Variants in KCNQ3 observed in about 807,000 individuals in gnomAD.
KCNQ3 encodes potassium voltage-gated channel subfamily Q member 3, also known as potassium voltage-gated channel subfamily KQT member 3.
KCNQ3 carries 30 observed loss-of-function variants against 92.5 expected under a neutral mutation model. The ratio of observed to expected loss-of-function variants is 0.32; its 90% confidence interval spans 0.24 to 0.44. The LOEUF (loss-of-function observed/expected upper bound fraction) is 0.44. Among genes scored for constraint, KCNQ3 ranks in the 20% least tolerant of loss-of-function variants. The probability of loss-of-function intolerance (pLI) is 1.00; values close to 1 mark genes in which losing one functional copy is unlikely to be tolerated. For synonymous variants in KCNQ3, 450 were observed against 468.8 expected (o/e 0.96, Z 0.52); for missense variants, 913 against 1,140.3 (o/e 0.80, Z 2.87).
rs149862736 is a variant in KCNQ3, at chr8:132,344,190, T to G, written c.386+135957A>C. ...ATTATATCCAGGTTGCAAGGAAATC[T>G]CCACAACTTACAGAGTATTATAGGG... On this transcript the variant is annotated intron_variant, in intron 1 of 14. Transcript: ENST00000388996. Among the ~76,000 whole-genome samples the G allele has an allele frequency of 5.9e-5, 9 of 152,330 alleles. No homozygotes were observed. In the East Asian group the frequency reaches 1.4e-3, roughly 23 times the overall value.
chr8:132,407,790 G>A (rs533106371), intron 1 of KCNQ3, among the ~76,000 whole-genome samples: 12 of 152,258 alleles, frequency 7.9e-5, no homozygotes, highest in East Asian at 3.9e-4. Context: ...AGTCTAGCTC[G>A]GCAGGTCTGC....
At chr8:132,232,227 C>T (rs1247378059) in intron 1 of KCNQ3, among the ~76,000 whole-genome samples, 1 of 152,144 alleles carries the variant, frequency 6.6e-6, no homozygotes. Flanking sequence ...AGCACCAGAG[C>T]TTCTTAATCT....
At chr8:132,463,646 C>A (rs1008305297) in intron 1 of KCNQ3, among the ~76,000 whole-genome samples, 1 of 152,132 alleles carries the variant, frequency 6.6e-6, no homozygotes, top group Admixed American at 6.6e-5. Flanking sequence ...GTGACTCGGG[C>A]CAGGCAGCAA....
At chr8:132,267,401 T>A (rs915519598) in intron 1 of KCNQ3, among the ~76,000 whole-genome samples, 9 of 152,184 alleles carry the variant, frequency 5.9e-5, no homozygotes, top group Non-Finnish European at 1.2e-4. Context: ...TTTGCACGTA[T>A]CCTGGCACTT....
chr8:132,275,916 G>A (rs1024705847), intron 1 of KCNQ3, among the ~76,000 whole-genome samples: 2 of 152,238 alleles, frequency 1.3e-5, no homozygotes, highest in African/African-American at 4.8e-5. Context: ...CACCGGCCTG[G>A]AGCCCTCTGT....
chr8:132,437,944 G>A (rs1160071227), intron 1 of KCNQ3, among the ~76,000 whole-genome samples: 1 of 152,318 alleles, frequency 6.6e-6, no homozygotes, highest in Non-Finnish European at 1.5e-5. Context: ...CTTTGTGTGT[G>A]TGCATGAAGC....
intron 1 of KCNQ3, among the ~76,000 whole-genome samples, chr8:132,279,137 G>A (rs1816432338): frequency 6.6e-6 from 1 of 152,160 alleles, no homozygotes; most frequent in Non-Finnish European, 1.5e-5. Flanking sequence ...AGAATTGCTT[G>A]AACCCGGAAG....
Position 132,122,010 on chromosome 8 carries a change from C to T in KCNQ3, c.*7252G>A, listed in dbSNP as rs1252137868. The T allele has an allele frequency of 6.6e-6, 1 of 152,202 alleles. No homozygotes were observed. Among genetic ancestry groups the T allele is most frequent in the Middle Eastern group, 3.2e-3 (1 of 316 alleles). 9.4% of individuals were successfully genotyped at this position (152,202 alleles called of 1,614,324 possible). On this transcript the variant is annotated 3_prime_UTR_variant, in exon 15 of 15. Transcript: ENST00000388996. ...GCATCACTCTACTCTCCAGGGAACT[C>T]ATGGGTCTGTGATCATTTTACTGTA...
At chr8:132,195,469 C>A (rs1235096912) in intron 1 of KCNQ3, among the ~76,000 whole-genome samples, 2 of 152,180 alleles carry the variant, frequency 1.3e-5, no homozygotes, top group African/African-American at 4.8e-5. Flanking sequence ...GCTACTCAGC[C>A]CTCTGAGCTG....
At chr8:132,451,887 T>C (rs1360102281) in intron 1 of KCNQ3, among the ~76,000 whole-genome samples, 3 of 152,144 alleles carry the variant, frequency 2.0e-5, no homozygotes, top group East Asian at 3.8e-4. Context: ...CAGCCTGTAG[T>C]TTCAAGCGGC....
At chr8:132,135,008 G>T (rs75528610) in intron 12 of KCNQ3, among the ~76,000 whole-genome samples, 3 of 152,004 alleles carry the variant, frequency 2.0e-5, no homozygotes, top group Non-Finnish European at 4.4e-5. Context: ...TTTTAGGTTT[G>T]GGGGTACAGG....
chr8:132,126,419 G>C lies in KCNQ3; in HGVS notation c.*2843C>G, dbSNP rs545584648. On this transcript the variant is annotated 3_prime_UTR_variant, in exon 15 of 15. Transcript: ENST00000388996. ...TATTGTTGAGATTGTCTGTGCATAG[G>C]CAACTTGAGCAGGTTTGGTTTGCCT... 72 of 152,218 alleles carry C rather than the reference G, an allele frequency of 4.7e-4. No homozygotes were observed. The highest frequency in any genetic ancestry group is 1.7e-3 in the African/African-American group (71 of 41,536). 9.4% of individuals were successfully genotyped at this position (152,218 alleles called of 1,614,324 possible).
chr8:132,282,535 C>A (rs1816555213), intron 1 of KCNQ3, among the ~76,000 whole-genome samples: 1 of 152,180 alleles, frequency 6.6e-6, no homozygotes, highest in African/African-American at 2.4e-5. Flanking sequence ...TGCTTATCCC[C>A]CCTTGCTCTG....
chr8:132,275,525 A>G (rs1306698419), intron 1 of KCNQ3, among the ~76,000 whole-genome samples: 2 of 151,842 alleles, frequency 1.3e-5, no homozygotes, highest in Non-Finnish European at 2.9e-5. Flanking sequence ...GCCCCACCCT[A>G]GAGGCCCAAA....
chr8:132,257,663 C>G (rs1406081805), intron 1 of KCNQ3, among the ~76,000 whole-genome samples: 3 of 143,758 alleles, frequency 2.1e-5, no homozygotes, highest in African/African-American at 7.8e-5. Context: ...AGGAGAATCT[C>G]TTGAACCCAG....
intron 1 of KCNQ3, among the ~76,000 whole-genome samples, chr8:132,364,809 T>C (rs575294067): frequency 1.3e-5 from 2 of 152,288 alleles, no homozygotes; most frequent in East Asian, 1.9e-4. Context: ...CTATTACTTA[T>C]ACTACTAATC....
intron 1 of KCNQ3, among the ~76,000 whole-genome samples, chr8:132,454,017 G>C (rs1366181060): frequency 1.3e-5 from 2 of 152,154 alleles, no homozygotes; most frequent in African/African-American, 4.8e-5. Context: ...GTTAAACACA[G>C]ACCTCATGCC....
At chr8:132,450,803 A>C (rs1821802704) in intron 1 of KCNQ3, among the ~76,000 whole-genome samples, 1 of 152,176 alleles carries the variant, frequency 6.6e-6, no homozygotes, top group Non-Finnish European at 1.5e-5. Flanking sequence ...TCCTTTCCTC[A>C]TCATCACCGT....
chr8:132,278,028 C>G (rs1018857075), intron 1 of KCNQ3: 2 of 985,236 alleles, frequency 2.0e-6, no homozygotes, highest in Non-Finnish European at 2.4e-6. Flanking sequence ...TTCAAGGCTA[C>G]AGAGCTCAGA....
Sources: gnomAD v4.1 joint callset for allele counts (sites outside exome capture counted in the v4.1 genomes callset) on GRCh38, gnomAD v4.1.1 for gene constraint, MANE v1.5 for transcripts, NCBI Gene and HGNC (gene_info 2026-07-23, HGNC 2026-07-21) for gene names.